The following CSMD1 variants were observed in gnomAD, a reference collection of about 807,000 sequenced individuals.
The protein encoded by CSMD1 is CUB and sushi domain-containing protein 1.
In CSMD1, 213 loss-of-function variants were observed where a neutral mutation model predicts 417.5. The observed-to-expected ratio is 0.51, with a 90% confidence interval of 0.46 to 0.57. The LOEUF is 0.57. Ranked by LOEUF, CSMD1 falls within the 20% of genes least tolerant of loss-of-function variation. CSMD1 has a pLI of 0.00. For synonymous variants in CSMD1, 2,862 were observed against 1,736.8 expected (o/e 1.65, Z -16.11); for missense variants, 6,923 against 4,529.7 (o/e 1.53, Z -15.17).
chr8:4,961,705 A>C (rs932555530), intron 1 of CSMD1, among the ~76,000 whole-genome samples: 1 of 152,098 alleles, frequency 6.6e-6, no homozygotes, highest in Non-Finnish European at 1.5e-5. Flanking sequence ...CTGAAATGAT[A>C]ACGTAATTTT....
intron 1 of CSMD1, among the ~76,000 whole-genome samples, chr8:4,833,181 A>T (rs1267907457): frequency 2.6e-5 from 4 of 152,228 alleles, no homozygotes; most frequent in African/African-American, 9.6e-5. Context: ...CTATAAAAAA[A>T]ACTATGTGAG....
intron 26 of CSMD1, among the ~76,000 whole-genome samples, chr8:3,266,652 G>A (rs1474730963): frequency 7.0e-6 from 1 of 143,794 alleles, no homozygotes; most frequent in East Asian, 2.1e-4. Context: ...GCAAGCATCT[G>A]TAATCCCAGC....
intron 5 of CSMD1, among the ~76,000 whole-genome samples, chr8:3,792,273 A>T (rs1799793821): frequency 1.3e-5 from 2 of 152,254 alleles, no homozygotes; most frequent in Non-Finnish European, 2.9e-5. Flanking sequence ...AGCCTGGGTG[A>T]CAGAGAGAGA....
intron 5 of CSMD1, among the ~76,000 whole-genome samples, chr8:3,762,513 T>C (rs977838926): frequency 1.1e-4 from 16 of 152,212 alleles, no homozygotes; most frequent in African/African-American, 3.4e-4. Flanking sequence ...AGGTAGGATG[T>C]TTATATCCTC....
At chr8:4,132,784 A>G (rs1307110969) in intron 3 of CSMD1, among the ~76,000 whole-genome samples, 1 of 152,222 alleles carries the variant, frequency 6.6e-6, no homozygotes, top group African/African-American at 2.4e-5. Context: ...AAAAAGACAC[A>G]AACTGTGTGT....
intron 3 of CSMD1, among the ~76,000 whole-genome samples, chr8:4,354,886 G>GTGTT (rs1554442786): frequency 6.7e-6 from 1 of 149,538 alleles, no homozygotes; most frequent in Non-Finnish European, 1.5e-5. Context: ...GTGTGTGTGT[G>GTGTT]TGTGTGTGTG....
intron 3 of CSMD1, among the ~76,000 whole-genome samples, chr8:4,083,622 A>C (rs1182612760): frequency 9.9e-5 from 15 of 152,188 alleles, no homozygotes; most frequent in Non-Finnish European, 2.1e-4. Flanking sequence ...TGGTGCTGGG[A>C]AAACTGGCTA....
intron 4 of CSMD1, among the ~76,000 whole-genome samples, chr8:4,013,636 T>C (rs1240538550): frequency 6.6e-6 from 1 of 152,214 alleles, no homozygotes. Flanking sequence ...TTATGTTATC[T>C]ATCTCCACCC....
At chr8:4,993,273 TAC>T (rs1490642760) in intron 1 of CSMD1, among the ~76,000 whole-genome samples, 2 of 152,132 alleles carry the variant, frequency 1.3e-5, no homozygotes, top group Non-Finnish European at 2.9e-5. Context: ...TAGATACAGA[TAC>T]TCCCGGGAAC....
chr8:2,965,791 G>T lies in CSMD1; in HGVS notation c.9264C>A (p.Ser3088Arg). The T allele has an allele frequency of 6.2e-7, 1 of 1,606,822 alleles. No individual in the cohort carries two copies. Among genetic ancestry groups the T allele is most frequent in the African/African-American group, 1.3e-5 (1 of 74,948 alleles). Residue 3088 changes from serine (S) to arginine (R), a missense_variant, in exon 59 of 70, where the codon AGC (serine) becomes AGA (arginine). Coordinates refer to ENST00000635120, the MANE Select transcript of CSMD1 (RefSeq NM_033225.6). ...RCTKDGRWNP[S>R]KPVCKAVLCP... ...CAAACAAACCTTTGCAGACAGGTTT[G>T]CTCGGATTCCACCTGCCGTCTTTGG...
At chr8:4,530,003 C>A (rs1388520685) in intron 2 of CSMD1, among the ~76,000 whole-genome samples, 1 of 152,076 alleles carries the variant, frequency 6.6e-6, no homozygotes, top group Non-Finnish European at 1.5e-5. Context: ...CAAGCCCCGC[C>A]TTCCGGGTTC....
intron 33 of CSMD1, among the ~76,000 whole-genome samples, chr8:3,195,482 G>A (rs1796654361): frequency 6.6e-6 from 1 of 152,250 alleles, no homozygotes; most frequent in South Asian, 2.1e-4. Context: ...GGAAGAAGCA[G>A]ACTGTGCTGG....
At chr8:3,022,009 C>T (rs979454025) in intron 51 of CSMD1, among the ~76,000 whole-genome samples, 1 of 149,898 alleles carries the variant, frequency 6.7e-6, no homozygotes, top group Non-Finnish European at 1.5e-5. Flanking sequence ...ACCTGCAATC[C>T]CACAGCATCC....
intron 1 of CSMD1, among the ~76,000 whole-genome samples, chr8:4,709,539 G>A (rs570359137): frequency 5.3e-5 from 8 of 152,244 alleles, no homozygotes; most frequent in Non-Finnish European, 1.2e-4. Context: ...CAGAGACCTC[G>A]AGGCTGGAGC....
chr8:4,264,590 C>G (rs1041537058), intron 3 of CSMD1, among the ~76,000 whole-genome samples: 1 of 152,110 alleles, frequency 6.6e-6, no homozygotes, highest in Non-Finnish European at 1.5e-5. Flanking sequence ...ACTGGTTCCT[C>G]GGCGTTCTAG....
chr8:3,567,703 C>G (rs1351352006), intron 10 of CSMD1, among the ~76,000 whole-genome samples: 1 of 152,098 alleles, frequency 6.6e-6, no homozygotes, highest in Admixed American at 6.5e-5. Context: ...CTGGTTATTT[C>G]CCCTCTCTGA....
chr8:3,388,257 GCTA>G (rs1563336643), intron 17 of CSMD1, among the ~76,000 whole-genome samples: 2 of 152,176 alleles, frequency 1.3e-5, no homozygotes, highest in Non-Finnish European at 2.9e-5. Flanking sequence ...TTGCAAGATA[GCTA>G]CTATTAGCCT....
chr8:4,767,002 T>C (rs1170163519), intron 1 of CSMD1, among the ~76,000 whole-genome samples: 10 of 152,246 alleles, frequency 6.6e-5, no homozygotes, highest in Admixed American at 6.5e-4. Flanking sequence ...AGCTCTTGTC[T>C]TCTTGGAAAA....
At chr8:4,004,825 A>G (rs1815978556) in intron 4 of CSMD1, among the ~76,000 whole-genome samples, 2 of 151,982 alleles carry the variant, frequency 1.3e-5, no homozygotes, top group African/African-American at 2.4e-5. Flanking sequence ...GCTCACTGTA[A>G]GCTCCGCCTC....
Sources: allele counts gnomAD v4.1 joint callset (sites outside exome capture counted in the v4.1 genomes callset), GRCh38; gene constraint gnomAD v4.1.1; transcripts MANE v1.5; gene names NCBI Gene and HGNC (gene_info 2026-07-23, HGNC 2026-07-21).